FAM117A: variants seen among roughly 807,000 people sequenced by gnomAD.
FAM117A encodes the protein protein FAM117A.
Under a neutral mutation model 44.1 loss-of-function variants are expected in FAM117A, and 21 were observed. The observed-to-expected ratio is 0.48, with a 90% CI of 0.34 to 0.69. The LOEUF (loss-of-function observed/expected upper bound fraction) is 0.69. Ranked by LOEUF, FAM117A falls within the 30% of genes least tolerant of loss-of-function variation. FAM117A has a pLI of 0.01. For missense variants in FAM117A, 498 were observed against 589.9 expected (o/e 0.84, Z 1.61); for synonymous variants, 220 against 238.3 (o/e 0.92, Z 0.71).
intron 1 of FAM117A, among the ~76,000 whole-genome samples, chr17:49,778,109 G>T (rs2073779934): frequency 6.6e-6 from 1 of 152,208 alleles, no homozygotes; most frequent in Non-Finnish European, 1.5e-5. Flanking sequence ...ACAGTCCATT[G>T]TGTAGCTATT....
chr17:49,738,054 G>A (rs1428596529), intron 1 of FAM117A, among the ~76,000 whole-genome samples: 2 of 152,046 alleles, frequency 1.3e-5, no homozygotes, highest in Non-Finnish European at 2.9e-5. Flanking sequence ...TTTTTGTTTT[G>A]CTTTTGTTTG....
upstream of FAM117A, among the ~76,000 whole-genome samples, chr17:49,765,211 T>C (rs1346010548): frequency 6.6e-6 from 1 of 152,264 alleles, no homozygotes; most frequent in African/African-American, 2.4e-5. Flanking sequence ...TTAACCATTT[T>C]GTTCTACATA....
chr17:49,763,981 G>C lies in FAM117A; in HGVS notation c.107C>G (p.Ser36Cys), dbSNP rs952403057. 8.2e-6 allele frequency: 10 copies of C among 1,226,266 alleles called. No homozygotes were observed. The highest frequency in any genetic ancestry group is 1.6e-5 in the African/African-American group (1 of 63,860). 76.0% of individuals were successfully genotyped at this position (1,226,266 alleles called of 1,614,324 possible). A position where few individuals can be genotyped will look rare whatever the true frequency, so the allele number is the denominator to read the frequency against. The stretch of plus-strand genomic sequence containing the variant: ...GAGCGGCTGCAGCCCAGCCCGGGGG[G>C]AGCCGGCGGGGGCTGGGGGAGAGCA... ...RGCSPPAPAGSPRAGLQPLRA... is the reference protein window; with the variant it reads ...RGCSPPAPAGCPRAGLQPLRA... Residue 36 changes from serine (S) to cysteine (C), a missense_variant, in exon 1 of 8, where the codon TCC becomes TGC. Physicochemically the swap from Ser to Cys is moderately radical, Grantham distance 112 (BLOSUM62 -1). Around this residue, in one of 3 missense-constraint regions of FAM117A, gnomAD observed 270 missense variants for 277.4 expected, o/e 0.97. Transcript: ENST00000240364.
chr17:49,774,420 C>T (rs946273964), intron 1 of FAM117A, among the ~76,000 whole-genome samples: 2 of 148,326 alleles, frequency 1.3e-5, no homozygotes, highest in East Asian at 2.0e-4. Context: ...AGCGCAATGG[C>T]GTGATCTCAG....
chr17:49,736,993 T>C (rs898334581), intron 1 of FAM117A, among the ~76,000 whole-genome samples: 3 of 152,240 alleles, frequency 2.0e-5, no homozygotes, highest in African/African-American at 7.2e-5. Flanking sequence ...TGAATAAAAT[T>C]GAAAAACCTT....
At chr17:49,749,376 A>G (rs1260132644) in intron 1 of FAM117A, among the ~76,000 whole-genome samples, 1 of 151,964 alleles carries the variant, frequency 6.6e-6, no homozygotes, top group Non-Finnish European at 1.5e-5. Context: ...GGAGATCAAG[A>G]CCATCCTGGC....
At chr17:49,717,742 C>T in intron 5 of FAM117A, 28 bp from the exon 6 acceptor site, 1 of 1,561,650 alleles carries the variant, frequency 6.4e-7, no homozygotes, top group Non-Finnish European at 8.7e-7. Flanking sequence ...TAAAGACTGT[C>T]AGCCCTGAGT....
intron 1 of FAM117A, among the ~76,000 whole-genome samples, chr17:49,740,249 AT>A (rs879708249): frequency 0.014 from 1,992 of 142,982 alleles, 36 homozygotes; most frequent in Admixed American, 0.059. Context: ...TGGTAAGCAG[AT>A]TTTTTTTTTT....
chr17:49,732,747 T>G, intron 1 of FAM117A, 27 bp from the exon 2 acceptor site: 1 of 1,605,672 alleles, frequency 6.2e-7, no homozygotes, highest in South Asian at 1.1e-5. Flanking sequence ...CCCGCACGCC[T>G]TGCCATCAGC....
chr17:49,735,695 G>A (rs184343368), intron 1 of FAM117A, among the ~76,000 whole-genome samples: 5 of 152,068 alleles, frequency 3.3e-5, no homozygotes, highest in African/African-American at 1.2e-4. Context: ...GAACTCCTGG[G>A]CTCAAGTGAT....
intron 1 of FAM117A, among the ~76,000 whole-genome samples, chr17:49,757,211 C>T (rs75160117): frequency 2.6e-5 from 4 of 152,084 alleles, no homozygotes; most frequent in South Asian, 4.2e-4. Context: ...CAGCAACTCT[C>T]GGGGGCTCCT....
In FAM117A at chr17:49,732,667, G is replaced by A; in HGVS notation, c.250C>T (p.Leu84Phe). 1 of 1,614,124 alleles carries A rather than the reference G, an allele frequency of 6.2e-7. No homozygotes were observed. Among genetic ancestry groups the A allele is most frequent in the Non-Finnish European group, 8.5e-7 (1 of 1,180,008 alleles). ...AGGGAGAATGTACGCCGGACCTGAA[G>A]TGGCTGAGGCCTACACACTGACTTT... is the stretch of plus-strand genomic sequence containing the variant. The part of the protein sequence containing the change: ...PEKSVCRPQP[L>F]QVRRTFSLDT... Residue 84 changes from leucine (L) to phenylalanine (F), a missense_variant, in exon 2 of 8, where the codon CTT becomes TTT. By Grantham distance (22) the Leu-to-Phe change is conservative (BLOSUM62 0). This residue lies in a region of FAM117A where 270 missense variants were observed against 277.4 expected (regional missense o/e 0.97). Coordinates refer to ENST00000240364, the MANE Select transcript of FAM117A (RefSeq NM_030802.4).
chr17:49,718,476 G>A (rs1236778258), intron 5 of FAM117A, among the ~76,000 whole-genome samples: 1 of 151,878 alleles, frequency 6.6e-6, no homozygotes, highest in African/African-American at 2.4e-5. Context: ...AGACCATTCT[G>A]GCTAACAAAG....
intron 1 of FAM117A, among the ~76,000 whole-genome samples, chr17:49,779,994 G>A (rs1419217473): frequency 6.6e-6 from 1 of 152,244 alleles, no homozygotes; most frequent in African/African-American, 2.4e-5. Context: ...ATTGGGCTCA[G>A]TAACCTCAGT....
At chr17:49,782,061 T>C (rs1286766213) in intron 1 of FAM117A, among the ~76,000 whole-genome samples, 6 of 151,832 alleles carry the variant, frequency 4.0e-5, no homozygotes, top group Admixed American at 2.6e-4. Context: ...GGAGAAAAAA[T>C]GGAAGGCAAT....
intron 1 of FAM117A, among the ~76,000 whole-genome samples, chr17:49,781,895 G>C (rs927026878): frequency 6.6e-6 from 1 of 152,128 alleles, no homozygotes; most frequent in African/African-American, 2.4e-5. Context: ...AGGATCGCTT[G>C]AAACCAGGAG....
chr17:49,720,299 G>A, intron 4 of FAM117A, 27 bp downstream of exon 4: 1 of 1,577,448 alleles, frequency 6.3e-7, no homozygotes, highest in Non-Finnish European at 8.7e-7. Context: ...GAGAACAGAG[G>A]GGAGAGGGCT....
chr17:49,776,813 C>T lies in FAM117A; in HGVS notation c.-621+11684G>A, dbSNP rs2073776728. Among the ~76,000 whole-genome samples, 3 of 152,218 alleles carry T rather than the reference C, an allele frequency of 2.0e-5. No homozygotes were observed. In the South Asian group the frequency reaches 6.2e-4, roughly 32 times the overall value. ...GTGTGCCAGGGAAAGTAGGAAAGCT[C>T]TTTGTGGGGTCAAAAGGGAAGCTGC... On this transcript the variant is annotated intron_variant, in intron 1 of 7. Coordinates refer to the FAM117A transcript ENST00000513602.
At chr17:49,761,352 C>G (rs925880372) in intron 1 of FAM117A, among the ~76,000 whole-genome samples, 7 of 152,186 alleles carry the variant, frequency 4.6e-5, no homozygotes, top group Non-Finnish European at 7.4e-5. Flanking sequence ...CTCTTTGAAG[C>G]CTGAAAAGGC....
Sources: gnomAD v4.1 joint callset for allele counts (sites outside exome capture counted in the v4.1 genomes callset) on GRCh38, gnomAD v4.1.1 for gene constraint, gnomAD v4.1.1 regional missense constraint, MANE v1.5 for transcripts, NCBI Gene and HGNC (gene_info 2026-07-23, HGNC 2026-07-21) for gene names.